The following PANK4 variants were observed in gnomAD, a reference collection of about 807,000 sequenced individuals.
PANK4 encodes 4'-phosphopantetheine phosphatase.
PANK4 carries 40 observed loss-of-function variants against 87.9 expected under a neutral mutation model. That is an observed-to-expected ratio of 0.46 (90% CI 0.35 to 0.59). PANK4 has a LOEUF of 0.59. PANK4 is among the 20% of genes least tolerant of loss of function. The probability of loss-of-function intolerance (pLI) is 0.00; values close to 1 mark genes in which losing one functional copy is unlikely to be tolerated. For missense variants in PANK4, 926 were observed against 1,072.3 expected, an observed-to-expected ratio of 0.86 and a Z score of 1.90; for synonymous variants, 524 against 467.4, an observed-to-expected ratio of 1.12 and a Z score of -1.56.
chr1:2,514,424 C>T lies in PANK4; in HGVS notation c.1417G>A (p.Ala473Thr), dbSNP rs1643721481. 1 of 1,612,014 alleles carries T rather than the reference C, an allele frequency of 6.2e-7. No homozygotes were observed. The highest frequency in any genetic ancestry group is 1.3e-5 in the African/African-American group (1 of 74,852). ...AVASQPDSVD[A>T]AERAEKFRQK... Reference sequence around the variant, plus strand: ...CGGAACTTCTCCGCCCTCTCGGCTGCATCCACAGAGTCTGGCTGGCTCGCC... The same window carrying T: ...CGGAACTTCTCCGCCCTCTCGGCTGTATCCACAGAGTCTGGCTGGCTCGCC... Residue 473 changes from alanine (A) to threonine (T), a missense_variant, in exon 11 of 19, where the codon GCA becomes ACA. Coordinates refer to ENST00000378466, the MANE Select transcript of PANK4 (RefSeq NM_018216.4).
chr1:2,510,093 A>G lies in PANK4; in HGVS notation c.2003T>C (p.Val668Ala). The change falls in exon 17 of 19, where the codon GTG becomes GCG. Residue 668 changes from valine to alanine, a missense_variant. Coordinates refer to ENST00000378466, the MANE Select transcript of PANK4 (RefSeq NM_018216.4). This position sits in a 1 kb window ranked among gnomAD's most constrained non-coding sequence, Gnocchi z 4.9. Reference protein sequence around the residue: ...NDVTHSESLIVAERIAGMDPV... With the variant: ...NDVTHSESLIAAERIAGMDPV... ...GTCCATGCCCGCAATACGCTCTGCCACGATGAGGGACTCGCTGTGGGTCAC... is the reference window on the plus strand; with the variant it reads ...GTCCATGCCCGCAATACGCTCTGCCGCGATGAGGGACTCGCTGTGGGTCAC... The G allele has an allele frequency of 6.2e-7, 1 of 1,611,350 alleles. No homozygotes were observed. Among genetic ancestry groups the G allele is most frequent in the South Asian group, 1.1e-5 (1 of 90,650 alleles).
Position 2,520,503 on chromosome 1 carries a change from GAA to G in PANK4, c.607-91_607-90del. ...CCCGCCCCATGTGCTGCGCTGGGGT[GAA>G]CCCCGCCCCCACCCCAACCGCCAGT... is the stretch of plus-strand genomic sequence containing the variant. On this transcript the variant is annotated intron_variant, in intron 4 of 18. Coordinates refer to ENST00000378466, the MANE Select transcript of PANK4 (RefSeq NM_018216.4). This position sits in a 1 kb window ranked among gnomAD's most constrained non-coding sequence, Gnocchi z 6.2. 1.7e-6 allele frequency: 2 copies of G among 1,180,726 alleles called. No homozygotes were observed. The highest frequency in any genetic ancestry group is 2.6e-5 in the South Asian group (2 of 75,764). The allele number at this position is 1,180,726 out of a possible 1,614,324, so 73.1% of individuals were successfully genotyped here.
At chr1:2,516,032 C>G in intron 9 of PANK4, 1 of 467,380 alleles carries the variant, frequency 2.1e-6, no homozygotes, top group Non-Finnish European at 3.9e-6. Context: ...ACCCCTCCTC[C>G]ACCATCCCTA....
rs539000713 is a variant in PANK4, at chr1:2,510,547, G to T, written c.1938+131C>A. ...ATGACGGCTCTGGGCCGCCTCCCCC[G>T]TGCTGCTGCCTGCACCTACCTGCTG... is the stretch of plus-strand genomic sequence containing the variant. On this transcript the variant is annotated intron_variant, in intron 16 of 18. Transcript: ENST00000378466. This position sits in a 1 kb window ranked among gnomAD's most constrained non-coding sequence, Gnocchi z 4.9. 2 of 672,396 alleles carry T rather than the reference G, an allele frequency of 3.0e-6. No homozygotes were observed. The highest frequency in any genetic ancestry group is 3.4e-5 in the South Asian group (2 of 57,986). The allele number at this position is 672,396 out of a possible 1,614,324, so 41.7% of individuals were successfully genotyped here.
At chr1:2,525,601 C>T (rs1339809019) in intron 1 of PANK4, 1 of 152,230 alleles carries the variant, frequency 6.6e-6, no homozygotes, top group African/African-American at 2.4e-5. Flanking sequence ...ATTAGTTCAC[C>T]TTTCTGGGGC....
chr1:2,514,808 T>C (rs1406328982), intron 10 of PANK4, among the ~76,000 whole-genome samples: 3 of 151,976 alleles, frequency 2.0e-5, no homozygotes, highest in Admixed American at 1.3e-4. Context: ...GAGGCTTCCC[T>C]TTGCCATTCG....
chr1:2,523,372 C>T (rs987133510), intron 1 of PANK4, among the ~76,000 whole-genome samples: 6 of 152,144 alleles, frequency 3.9e-5, no homozygotes, highest in East Asian at 3.9e-4. Flanking sequence ...TGGCCGGGCC[C>T]GGAGAGTCTC....
intron 7 of PANK4, among the ~76,000 whole-genome samples, chr1:2,518,860 C>T (rs1026112145): frequency 7.2e-5 from 11 of 152,230 alleles, no homozygotes; most frequent in Admixed American, 2.6e-4. Flanking sequence ...TGTGGGTGGG[C>T]GTGCCTCTGC....
Position 2,510,872 on chromosome 1 carries a change from G to A in PANK4, c.1834-90C>T, listed in dbSNP as rs1643648760. The A allele has an allele frequency of 6.2e-6, 5 of 805,054 alleles. No individual in the cohort carries two copies. Among genetic ancestry groups the A allele is most frequent in the South Asian group, 4.3e-5 (3 of 70,502 alleles). The allele number at this position is 805,054 out of a possible 1,614,324, so 49.9% of individuals were successfully genotyped here. A position where few individuals can be genotyped will look rare whatever the true frequency, so the allele number is the denominator to read the frequency against. On this transcript the variant is annotated intron_variant, in intron 15 of 18. Transcript: ENST00000378466. This position sits in a 1 kb window ranked among gnomAD's most constrained non-coding sequence, Gnocchi z 4.9. ...CTGCTGCCCGTCACGCTGCCCTGCA[G>A]GGGCCGAGACTGGGGGCTTCAGGGC...
Position 2,509,638 on chromosome 1 carries a change from C to T in PANK4, c.2108+224G>A, listed in dbSNP as rs61763950. ...CCCTCTTGCCCCAAGTCCCCAAACC[C>T]AGCCCATGTGTAACCACCTCAGACC... On this transcript the variant is annotated intron_variant, in intron 18 of 18. Transcript: ENST00000378466. The surrounding 1 kb of genome is among the most constrained non-coding windows in gnomAD (Gnocchi z 4.9). Among the ~76,000 whole-genome samples the T allele has an allele frequency of 2.8e-3, 421 of 152,340 alleles. 1 individual carries two copies. The highest frequency in any genetic ancestry group is 4.5e-3 in the Non-Finnish European group (306 of 68,018).
rs774540618 is a variant in PANK4 at position 2,520,364 on chromosome 1, G to A, written c.657C>T (p.Gly219=). ...GAGCGCCAAGCCCCCAGAAGGTGCC[G>A]CCTCCAATGGAGCTGCCGCCGACCC... ...FEWVGGSSIG[G]GTFWGLGALL... is the part of the protein sequence containing the mutation. Residue 219 remains glycine (G), a synonymous_variant, in exon 5 of 19, where the codon GGC becomes GGT. Transcript: ENST00000378466. This position sits in a 1 kb window ranked among gnomAD's most constrained non-coding sequence, Gnocchi z 6.2. 37 of 1,612,792 alleles carry A rather than the reference G, an allele frequency of 2.3e-5. No homozygotes were observed. The highest frequency in any genetic ancestry group is 2.8e-5 in the Non-Finnish European group (33 of 1,179,960).
chr1:2,515,994 C>G lies in PANK4; in HGVS notation c.1219-277G>C. ...CCTCCCCGCTGCAGCCACACCTCCC[C>G]AATCACCGCTGCAGTCACCCTCCCA... is the stretch of plus-strand genomic sequence containing the variant. On this transcript the variant is annotated intron_variant, in intron 9 of 18. Transcript: ENST00000378466. The surrounding 1 kb of genome is among the most constrained non-coding windows in gnomAD (Gnocchi z 5.0). 1 of 538,714 alleles carries G rather than the reference C, an allele frequency of 1.9e-6. No homozygotes were observed. The highest frequency in any genetic ancestry group is 3.3e-6 in the Non-Finnish European group (1 of 298,704). The allele number at this position is 538,714 out of a possible 1,614,324, so 33.4% of individuals were successfully genotyped here.
chr1:2,521,928 G>A (rs1643879019), intron 1 of PANK4, 128 bp from the exon 2 acceptor site: 2 of 718,790 alleles, frequency 2.8e-6, no homozygotes, highest in Non-Finnish European at 5.0e-6. Context: ...TGGGGCTACT[G>A]GAACTTAAAA....
Position 2,509,302 on chromosome 1 carries a change from G to A in PANK4, c.2109-242C>T, listed in dbSNP as rs1643619916. 6.6e-6 allele frequency among the ~76,000 whole-genome samples: 1 copy of A among 152,208 alleles called. No homozygotes were observed. The highest frequency in any genetic ancestry group is 2.4e-5 in the African/African-American group (1 of 41,448). ...TGCCCTAGATCTCCTGTGAACTCTA[G>A]GGATGGATTCCTTGTCATTTTCACG... On this transcript the variant is annotated intron_variant, in intron 18 of 18. Transcript: ENST00000378466. The surrounding 1 kb of genome is among the most constrained non-coding windows in gnomAD (Gnocchi z 4.9).
intron 9 of PANK4, 70 bp downstream of exon 9, chr1:2,518,094 G>GGGACA (rs1481757936): frequency 2.2e-6 from 2 of 925,744 alleles, no homozygotes; most frequent in African/African-American, 3.3e-5. Flanking sequence ...GCTTCGCTCA[G>GGGACA]GGACAGGCGA....
intron 13 of PANK4, chr1:2,512,594 G>A (rs1643679768): frequency 6.8e-6 from 3 of 440,096 alleles, no homozygotes; most frequent in Middle Eastern, 5.9e-4. Context: ...TTTGGATTCT[G>A]ACAATAGAAA....
chr1:2,518,256 G>A lies in PANK4; in HGVS notation c.1126C>T (p.Gln376Ter). The part of the protein sequence containing the change: ...LKGAEQDNPN[Q>*]YSWGENYAGS... ...GCATAGTTCTCTCCCCAGCTGTACT[G>A]GTTAGGATCTGGAAAGCAAGAAGCC... The change falls in exon 9 of 19, where the codon CAG (glutamine) becomes TAG (stop). Residue 376 changes from glutamine to a stop codon, truncating the protein, a stop_gained. Coordinates refer to ENST00000378466, the MANE Select transcript of PANK4 (RefSeq NM_018216.4). LOFTEE classifies it high-confidence loss of function. 1.2e-6 allele frequency: 2 copies of A among 1,610,326 alleles called. No individual in the cohort carries two copies. Among genetic ancestry groups the A allele is most frequent in the Non-Finnish European group, 1.7e-6 (2 of 1,178,256 alleles).
At chr1:2,526,053 C>G (rs1643919545) in intron 1 of PANK4, 1 of 152,362 alleles carries the variant, frequency 6.6e-6, no homozygotes, top group Non-Finnish European at 1.5e-5. Context: ...GACCCCAAAT[C>G]TCAGGCCAGC....
chr1:2,511,523 G>A (rs1643661658), intron 14 of PANK4, 105 bp downstream of exon 14: 2 of 1,078,058 alleles, frequency 1.9e-6, no homozygotes, highest in Admixed American at 3.4e-5. Context: ...GCCTTGAGCA[G>A]GGGAGGTGCC....
Sources: gnomAD v4.1 joint callset for allele counts (sites outside exome capture counted in the v4.1 genomes callset) on GRCh38, gnomAD v4.1.1 for gene constraint, Gnocchi (gnomAD v3.1) non-coding constraint, MANE v1.5 for transcripts, NCBI Gene and HGNC (gene_info 2026-07-23, HGNC 2026-07-21) for gene names.